The following GSE1 variants were observed in gnomAD, a reference collection of about 807,000 sequenced individuals.
GSE1 encodes Gse1 coiled-coil protein.
In GSE1, 32 loss-of-function variants were observed where a neutral mutation model predicts 112.6. The ratio of observed to expected loss-of-function variants is 0.28; its 90% CI spans 0.21 to 0.38. The LOEUF (loss-of-function observed/expected upper bound fraction) is 0.38, where lower values mean the gene tolerates loss of function less well. GSE1 is among the 10% of genes least tolerant of loss of function. The probability of loss-of-function intolerance (pLI) is 1.00; values close to 1 mark genes in which losing one functional copy is unlikely to be tolerated. For synonymous variants in GSE1, 1,115 were observed against 735.6 expected, an observed-to-expected ratio of 1.52 and a Z score of -8.35; for missense variants, 2,348 against 1,699.2, an observed-to-expected ratio of 1.38 and a Z score of -6.71.
chr16:85,430,890 C>T (rs1010604213), intron 2 of GSE1, among the ~76,000 whole-genome samples: 6 of 152,174 alleles, frequency 3.9e-5, no homozygotes, highest in African/African-American at 1.2e-4. Flanking sequence ...TGCAGGTCAG[C>T]GTGAGGCCTG....
In GSE1 at chr16:85,475,295, C is replaced by T. The variant is rs529873829; in HGVS notation, c.2464+117652C>T. 1.8e-4 allele frequency among the ~76,000 whole-genome samples: 28 copies of T among 152,338 alleles called. 1 individual carries two copies. The highest frequency in any genetic ancestry group is 5.5e-4 in the African/African-American group (23 of 41,568). Reference sequence around the variant, plus strand: ...GCAGTGCAAGTACAGACAAGTGCGTCGCTGAATCTGTGATCAGTGCTGGGG... The same window carrying T: ...GCAGTGCAAGTACAGACAAGTGCGTTGCTGAATCTGTGATCAGTGCTGGGG... On this transcript the variant is annotated intron_variant, in intron 2 of 2. Transcript: ENST00000637419.
At chr16:85,628,017 C>G (rs1307821860) in intron 1 of GSE1, among the ~76,000 whole-genome samples, 3 of 152,160 alleles carry the variant, frequency 2.0e-5, no homozygotes, top group Non-Finnish European at 4.4e-5. Context: ...TGAAGTGATC[C>G]CCACCAGGCC....
chr16:85,572,194 A>G (rs1008648362), intron 1 of GSE1, among the ~76,000 whole-genome samples: 2 of 149,624 alleles, frequency 1.3e-5, no homozygotes, highest in Non-Finnish European at 3.0e-5. Flanking sequence ...CATACTACAC[A>G]CACAACACAC....
intron 1 of GSE1, chr16:85,594,299 C>A (rs1023978855): frequency 3.9e-5 from 6 of 151,956 alleles, no homozygotes; most frequent in Non-Finnish European, 7.3e-5. Flanking sequence ...TGCCCCACCG[C>A]GGTCAGCTTC....
chr16:85,630,326 A>G (rs992748437), intron 1 of GSE1, among the ~76,000 whole-genome samples: 1 of 152,194 alleles, frequency 6.6e-6, no homozygotes, highest in African/African-American at 2.4e-5. Context: ...TCTTGAAAGG[A>G]TGACTGATGA....
At chr16:85,648,985 G>A (rs920991633) in intron 3 of GSE1, among the ~76,000 whole-genome samples, 2 of 152,078 alleles carry the variant, frequency 1.3e-5, no homozygotes, top group African/African-American at 2.4e-5. Flanking sequence ...GAAACCACCC[G>A]CTGGGGGTGT....
At chr16:85,216,141 C>T (rs1035192941) in intron 1 of GSE1, among the ~76,000 whole-genome samples, 4 of 152,220 alleles carry the variant, frequency 2.6e-5, no homozygotes, top group South Asian at 2.1e-4. Context: ...CCTTCTCTCT[C>T]GTTCTTCCAC....
At chr16:85,466,268 C>T (rs2050117810) in intron 2 of GSE1, among the ~76,000 whole-genome samples, 1 of 152,230 alleles carries the variant, frequency 6.6e-6, no homozygotes, top group Non-Finnish European at 1.5e-5. Context: ...TCTCATTGTG[C>T]TTGGAAATTA....
At chr16:85,272,420 G>C (rs1306648237) in intron 1 of GSE1, among the ~76,000 whole-genome samples, 3 of 151,786 alleles carry the variant, frequency 2.0e-5, no homozygotes, top group African/African-American at 4.9e-5. Context: ...CTTATTGGGT[G>C]AATGCTGACA....
intron 2 of GSE1, among the ~76,000 whole-genome samples, chr16:85,472,190 C>T (rs570219660): frequency 6.6e-5 from 10 of 152,288 alleles, no homozygotes; most frequent in Admixed American, 1.3e-4. Flanking sequence ...TGTATGTTTC[C>T]TGGGGCTGCC....
intron 1 of GSE1, among the ~76,000 whole-genome samples, chr16:85,628,578 C>T (rs1456165779): frequency 1.3e-5 from 2 of 152,168 alleles, no homozygotes; most frequent in Non-Finnish European, 2.9e-5. Flanking sequence ...GGTGAGGGCT[C>T]AGGTTCAGAC....
intron 2 of GSE1, among the ~76,000 whole-genome samples, chr16:85,459,510 CTGT>C (rs2049917957): frequency 6.6e-6 from 1 of 152,234 alleles, no homozygotes; most frequent in African/African-American, 2.4e-5. Context: ...ATCCCATTGG[CTGT>C]TAGGGGCTTA....
intron 2 of GSE1, among the ~76,000 whole-genome samples, chr16:85,511,533 A>C (rs2151933404): frequency 1.3e-5 from 2 of 152,002 alleles, no homozygotes; most frequent in Middle Eastern, 6.8e-3. Flanking sequence ...CATCTCAAAA[A>C]AAAAAAAAAA....
chr16:85,300,767 C>T (rs572449066), intron 1 of GSE1, among the ~76,000 whole-genome samples: 7 of 152,190 alleles, frequency 4.6e-5, no homozygotes, highest in South Asian at 2.1e-4. Context: ...TCCAGTCTCA[C>T]GCTGTGTGGA....
chr16:85,289,243 T>C (rs1390782762), intron 1 of GSE1, among the ~76,000 whole-genome samples: 1 of 152,134 alleles, frequency 6.6e-6, no homozygotes, highest in Admixed American at 6.5e-5. Flanking sequence ...CAGAGGCTCT[T>C]GTGAGTTCAT....
chr16:85,601,818 G>A (rs1447184739), intron 1 of GSE1, among the ~76,000 whole-genome samples: 2 of 152,206 alleles, frequency 1.3e-5, no homozygotes, highest in Non-Finnish European at 2.9e-5. Flanking sequence ...CCTATCCTGT[G>A]GTGGGTGAGG....
chr16:85,295,535 G>A (rs2045343155), intron 1 of GSE1, among the ~76,000 whole-genome samples: 1 of 152,168 alleles, frequency 6.6e-6, no homozygotes, highest in South Asian at 2.1e-4. Context: ...CTTGTGTGAA[G>A]CCTCATGGCC....
chr16:85,650,778 C>T (rs1301860475), intron 3 of GSE1, among the ~76,000 whole-genome samples: 1 of 151,986 alleles, frequency 6.6e-6, no homozygotes, highest in Non-Finnish European at 1.5e-5. Flanking sequence ...AGTGGGGAGG[C>T]AGAGAGAGGA....
chr16:85,258,487 A>G (rs1384723532), intron 1 of GSE1, among the ~76,000 whole-genome samples: 3 of 151,592 alleles, frequency 2.0e-5, no homozygotes, highest in Non-Finnish European at 4.4e-5. Context: ...AAACCCAGCA[A>G]AGCTCAGCCC....
Sources: gnomAD v4.1 joint callset for allele counts (sites outside exome capture counted in the v4.1 genomes callset) on GRCh38, gnomAD v4.1.1 for gene constraint, MANE v1.5 for transcripts, NCBI Gene and HGNC (gene_info 2026-07-23, HGNC 2026-07-21) for gene names.